The following ARAP2 variants were observed in gnomAD, a reference collection of about 807,000 sequenced individuals.
ARAP2 encodes the protein ArfGAP with RhoGAP domain, ankyrin repeat and PH domain 2.
A neutral mutation model predicts 194.5 loss-of-function variants in ARAP2; 148 were observed. That is an observed-to-expected ratio of 0.76 (90% CI 0.67 to 0.87). ARAP2 has a LOEUF of 0.87. Ranked by LOEUF, ARAP2 falls within the 40% of genes least tolerant of loss-of-function variation. The pLI, the probability that ARAP2 is intolerant of heterozygous loss-of-function variation, is 0.00. For synonymous variants in ARAP2, 695 were observed against 683.5 expected, an observed-to-expected ratio of 1.02 and a Z score of -0.26; for missense variants, 2,128 against 1,989.7, an observed-to-expected ratio of 1.07 and a Z score of -1.32.
intron 16 of ARAP2, among the ~76,000 whole-genome samples, chr4:36,149,655 A>G (rs1730477930): frequency 6.6e-6 from 1 of 152,192 alleles, no homozygotes; most frequent in Non-Finnish European, 1.5e-5. Context: ...CTACTTAGTA[A>G]CTTAATATAT....
downstream of ARAP2, chr4:36,065,818 G>C (rs963964287): frequency 6.6e-6 from 1 of 152,194 alleles, no homozygotes; most frequent in Non-Finnish European, 1.5e-5. Flanking sequence ...AATTGTGCCT[G>C]GTTCTCAGCA....
At chr4:36,121,038 A>T (rs1204048475) in intron 23 of ARAP2, 141 bp downstream of exon 23, 6 of 625,088 alleles carry the variant, frequency 9.6e-6, no homozygotes, top group Admixed American at 8.7e-5. Context: ...TCTATAATTT[A>T]AAAAAATATG....
intron 5 of ARAP2, among the ~76,000 whole-genome samples, chr4:36,036,711 A>G (rs59760471): frequency 0.029 from 4,416 of 152,220 alleles, 187 homozygotes; most frequent in African/African-American, 0.098. Flanking sequence ...TGACTAAAAT[A>G]TCTACTCCAA....
chr4:36,130,197 T>G (rs1293536194), intron 20 of ARAP2, among the ~76,000 whole-genome samples: 2 of 151,952 alleles, frequency 1.3e-5, no homozygotes, highest in African/African-American at 4.8e-5. Context: ...CCTCTGTGTG[T>G]CTCAACAATG....
At chr4:36,030,874 G>A (rs1464128539) in intron 5 of ARAP2, among the ~76,000 whole-genome samples, 1 of 137,688 alleles carries the variant, frequency 7.3e-6, no homozygotes, top group Non-Finnish European at 1.5e-5. Context: ...GTTCACTCCT[G>A]TAATCCCAGC....
At chr4:36,191,125 C>T (rs1741799160) in intron 7 of ARAP2, among the ~76,000 whole-genome samples, 2 of 152,146 alleles carry the variant, frequency 1.3e-5, no homozygotes, top group Non-Finnish European at 1.5e-5. Flanking sequence ...AAAACATTTA[C>T]AGTTTATCCC....
chr4:36,199,043 C>T (rs891966434), intron 6 of ARAP2, among the ~76,000 whole-genome samples: 3 of 152,210 alleles, frequency 2.0e-5, no homozygotes, highest in African/African-American at 7.2e-5. Flanking sequence ...CAGCTGCACC[C>T]GAGGAGCTCC....
chr4:36,163,085 T>C (rs1035184857), intron 11 of ARAP2, among the ~76,000 whole-genome samples: 2 of 152,158 alleles, frequency 1.3e-5, no homozygotes, highest in African/African-American at 2.4e-5. Flanking sequence ...AGGCATATAA[T>C]CATAAGAGTT....
intron 28 of ARAP2, among the ~76,000 whole-genome samples, chr4:36,084,700 C>G (rs1730408300): frequency 6.6e-6 from 1 of 151,808 alleles, no homozygotes; most frequent in Non-Finnish European, 1.5e-5. Flanking sequence ...TTTCATAAAG[C>G]AAATAGGTTA....
intron 24 of ARAP2, among the ~76,000 whole-genome samples, chr4:36,118,290 TAAAA>T (rs71653572): frequency 1.7e-5 from 2 of 119,636 alleles, no homozygotes; most frequent in African/African-American, 3.3e-5. Context: ...CTTAAAAAGT[TAAAA>T]AAAAAAAAAA....
At chr4:36,151,124 A>G (rs954537653) in intron 15 of ARAP2, 80 bp from the exon 16 acceptor site, 20 of 1,232,362 alleles carry the variant, frequency 1.6e-5, no homozygotes, top group Non-Finnish European at 2.2e-5. Context: ...ACTTCTAAAT[A>G]ATGGCTGGAT....
chr4:36,073,936 A>T, intron 31 of ARAP2, 113 bp from the exon 32 acceptor site: 3 of 1,312,630 alleles, frequency 2.3e-6, no homozygotes, highest in Non-Finnish European at 3.2e-6. Context: ...TCTGATTTCC[A>T]TGAGAATTCC....
In ARAP2 at chr4:36,082,257, T is replaced by C. The variant is rs768387708; in HGVS notation, c.4538A>G (p.His1513Arg). ...TTGTCAGCTGTTAACTTACCAGTGA[T>C]GTTTCTCAGAATATGCGGTCAATCC... is the stretch of plus-strand genomic sequence containing the variant. Reference protein sequence around the residue: ...SWGLTAYSEKHHWHLCCDSSR... With the variant: ...SWGLTAYSEKRHWHLCCDSSR... The change falls in exon 30 of 33, where the codon CAT becomes CGT. Residue 1513 changes from histidine (H) to arginine (R), a missense_variant. Physicochemically the swap from His to Arg is conservative, Grantham distance 29. Transcript: ENST00000303965. 21 of 1,611,284 alleles carry C rather than the reference T, an allele frequency of 1.3e-5. No individual in the cohort carries two copies. Among genetic ancestry groups the C allele is most frequent in the African/African-American group, 5.3e-5 (4 of 74,776 alleles).
At chr4:36,036,246 T>A (rs1719899509) in intron 5 of ARAP2, among the ~76,000 whole-genome samples, 1 of 152,116 alleles carries the variant, frequency 6.6e-6, no homozygotes, top group South Asian at 2.1e-4. Context: ...ATCCAAATGG[T>A]TCTATAGATT....
At chr4:36,061,599 A>G (rs1356536361), downstream of ARAP2, among the ~76,000 whole-genome samples, 1 of 152,084 alleles carries the variant, frequency 6.6e-6, no homozygotes, top group Non-Finnish European at 1.5e-5. Context: ...TTGCTTCCAT[A>G]TTTTGGCTAC....
intron 19 of ARAP2, among the ~76,000 whole-genome samples, chr4:36,143,625 T>C (rs1014307711): frequency 6.6e-6 from 1 of 151,476 alleles, no homozygotes; most frequent in African/African-American, 2.4e-5. Flanking sequence ...CAGATGATTA[T>C]TGATTTGGAG....
At chr4:36,178,909 A>C (rs1381452980) in intron 8 of ARAP2, among the ~76,000 whole-genome samples, 1 of 152,206 alleles carries the variant, frequency 6.6e-6, no homozygotes, top group Admixed American at 6.5e-5. Flanking sequence ...GAGCAATTCA[A>C]AAGACTAAAC....
At chr4:36,228,014 G>A (rs1198522604) in intron 2 of ARAP2, among the ~76,000 whole-genome samples, 1 of 152,080 alleles carries the variant, frequency 6.6e-6, no homozygotes, top group Non-Finnish European at 1.5e-5. Context: ...AGTGAGCCTA[G>A]CTTCATACTG....
intron 5 of ARAP2, among the ~76,000 whole-genome samples, chr4:36,023,389 A>G (rs562991884): frequency 6.6e-6 from 1 of 152,246 alleles, no homozygotes; most frequent in South Asian, 2.1e-4. Context: ...TCTTCAGTTG[A>G]AAAGGGAGCA....
Sources: gnomAD v4.1 joint callset for allele counts (sites outside exome capture counted in the v4.1 genomes callset) on GRCh38, gnomAD v4.1.1 for gene constraint, MANE v1.5 for transcripts, NCBI Gene and HGNC (gene_info 2026-07-23, HGNC 2026-07-21) for gene names.